SH3PXD2A: variants seen among roughly 807,000 people sequenced by gnomAD.
The protein encoded by SH3PXD2A is SH3 and PX domain-containing protein 2A.
Under a neutral mutation model 115.2 loss-of-function variants are expected in SH3PXD2A, and 32 were observed. The observed-to-expected ratio is 0.28, with a 90% confidence interval of 0.21 to 0.37. The LOEUF (loss-of-function observed/expected upper bound fraction) is 0.37. SH3PXD2A is among the 10% of genes least tolerant of loss of function. The pLI is 1.00. For missense variants in SH3PXD2A, 1,328 were observed against 1,498.7 expected (o/e 0.89, Z 1.88); for synonymous variants, 610 against 629.1 (o/e 0.97, Z 0.45).
At chr10:103,753,361 T>C (rs1589441695) in intron 3 of SH3PXD2A, among the ~76,000 whole-genome samples, 1 of 133,590 alleles carries the variant, frequency 7.5e-6, no homozygotes, top group Non-Finnish European at 1.6e-5. Context: ...CCGGGCATAG[T>C]GGTGGGCGCC....
intron 3 of SH3PXD2A, among the ~76,000 whole-genome samples, chr10:103,750,432 T>C (rs1201794973): frequency 1.3e-5 from 2 of 152,216 alleles, no homozygotes; most frequent in Non-Finnish European, 1.5e-5. Flanking sequence ...GCACTCCTTT[T>C]GGAAGGACAG....
At chr10:103,817,548 C>T (rs1347497064) in intron 1 of SH3PXD2A, among the ~76,000 whole-genome samples, 1 of 152,058 alleles carries the variant, frequency 6.6e-6, no homozygotes, top group East Asian at 1.9e-4. Context: ...GCCATGTTAG[C>T]CAGGCTGGTC....
chr10:103,808,678 T>C (rs1387807606), intron 1 of SH3PXD2A, among the ~76,000 whole-genome samples: 1 of 152,194 alleles, frequency 6.6e-6, no homozygotes, highest in Non-Finnish European at 1.5e-5. Flanking sequence ...ATGCTTTCCA[T>C]GATTAGTCAA....
intron 2 of SH3PXD2A, among the ~76,000 whole-genome samples, chr10:103,791,402 A>G (rs968859524): frequency 1.3e-5 from 2 of 152,220 alleles, no homozygotes; most frequent in East Asian, 3.8e-4. Context: ...CGAGTCCTCA[A>G]CTGTATAGGA....
At chr10:103,764,560 C>T (rs2038734572) in intron 3 of SH3PXD2A, among the ~76,000 whole-genome samples, 2 of 152,182 alleles carry the variant, frequency 1.3e-5, no homozygotes, top group Non-Finnish European at 2.9e-5. Flanking sequence ...TGACTTTTCC[C>T]AGTAGGTGAC....
At chr10:103,626,524 T>TA (rs1022488213) in intron 9 of SH3PXD2A, among the ~76,000 whole-genome samples, 1 of 150,910 alleles carries the variant, frequency 6.6e-6, no homozygotes, top group African/African-American at 2.4e-5. Flanking sequence ...AGTGCTGGCT[T>TA]AGAGGGCAGG....
chr10:103,720,916 C>T (rs1363646577), intron 5 of SH3PXD2A, among the ~76,000 whole-genome samples: 1 of 152,208 alleles, frequency 6.6e-6, no homozygotes, highest in Non-Finnish European at 1.5e-5. Flanking sequence ...AGGGGGAGCC[C>T]CTCAGAACTG....
chr10:103,835,991 CA>C (rs1171577754), intron 1 of SH3PXD2A, among the ~76,000 whole-genome samples: 4 of 152,148 alleles, frequency 2.6e-5, no homozygotes, highest in African/African-American at 7.2e-5. Context: ...AAAGGCTGGT[CA>C]AATCCCAGTA....
chr10:103,720,778 T>A (rs923427088), intron 5 of SH3PXD2A, among the ~76,000 whole-genome samples: 4 of 152,024 alleles, frequency 2.6e-5, no homozygotes, highest in African/African-American at 9.7e-5. Context: ...GGCTGACACG[T>A]CGGCAGCCTG....
At position 103,784,514 on chromosome 10, in the gene SH3PXD2A, G is replaced by A. The variant is rs182809095; in HGVS notation, c.153+16768C>T. On this transcript the variant is annotated intron_variant, in intron 2 of 14. Transcript: ENST00000369774. This position sits in a 1 kb window ranked among gnomAD's most constrained non-coding sequence, Gnocchi z 4.4. ...GAAGCAAATGTGGCAAAATATTCAC[G>A]TGTTAAATCTGGGCAGTCGGTCCTC... 1.3e-5 allele frequency among the ~76,000 whole-genome samples: 2 copies of A among 152,328 alleles called. No individual in the cohort carries two copies. Among genetic ancestry groups the A allele is most frequent in the East Asian group, 1.9e-4 (1 of 5,186 alleles).
At chr10:103,753,678 A>G (rs2038606805) in intron 3 of SH3PXD2A, among the ~76,000 whole-genome samples, 1 of 152,184 alleles carries the variant, frequency 6.6e-6, no homozygotes, top group African/African-American at 2.4e-5. Flanking sequence ...AGACAACATA[A>G]GCACATGAAT....
In SH3PXD2A at chr10:103,611,605, A is replaced by T. The variant is rs767631050; in HGVS notation, c.1284T>A (p.Pro428=). The T allele has an allele frequency of 1.3e-5, 21 of 1,614,156 alleles. No individual in the cohort carries two copies. In the African/African-American group the frequency reaches 2.7e-4, roughly 20 times the overall value. Residue 428 remains proline (P), a synonymous_variant, in exon 13 of 15, where the codon CCT becomes CCA. Transcript: ENST00000369774. ...CCAGGCTGGATTCTCTGCGTGGTGG[A>T]GGTCTTGTCCGTAGGTTCGGGGAGC... ...QISSPNLRTR[P]PPRRESSLGF...
At chr10:103,725,944 C>A (rs1361133287) in intron 4 of SH3PXD2A, among the ~76,000 whole-genome samples, 1 of 152,202 alleles carries the variant, frequency 6.6e-6, no homozygotes, top group Non-Finnish European at 1.5e-5. Context: ...AGGACCCTGA[C>A]CTGGCCCAGT....
At chr10:103,687,349 G>A (rs931910298) in intron 6 of SH3PXD2A, among the ~76,000 whole-genome samples, 1 of 152,092 alleles carries the variant, frequency 6.6e-6, no homozygotes, top group African/African-American at 2.4e-5. Context: ...TGTTCCTTTA[G>A]TTGAACCCTG....
chr10:103,748,282 G>A (rs183019915), intron 3 of SH3PXD2A, among the ~76,000 whole-genome samples: 1 of 152,328 alleles, frequency 6.6e-6, no homozygotes, highest in Non-Finnish European at 1.5e-5. Context: ...AGGAAGTGGT[G>A]GAGCTGGGAT....
rs751083934 is a variant in SH3PXD2A, at chr10:103,602,910, G to C, written c.2308C>G (p.Gln770Glu). The C allele has an allele frequency of 1.9e-6, 3 of 1,614,070 alleles. No individual in the cohort carries two copies. Among genetic ancestry groups the C allele is most frequent in the Non-Finnish European group, 2.5e-6 (3 of 1,180,024 alleles). The change falls in exon 15 of 15, where the codon CAA becomes GAA. Residue 770 changes from glutamine to glutamate, a missense_variant. Physicochemically the swap from Gln to Glu is conservative, Grantham distance 29. Coordinates refer to ENST00000369774, the MANE Select transcript of SH3PXD2A (RefSeq NM_001394015.1). The stretch of plus-strand genomic sequence containing the variant: ...AAAGTGCTGATGTCCATCTTCTCTT[G>C]GCTCTGCGACTCTGCTCGGTTTAGG... Reference protein sequence around the residue: ...PFLNRAESQSQEKMDISTLRR... With the variant: ...PFLNRAESQSEEKMDISTLRR...
rs766754098 is a variant in SH3PXD2A, at chr10:103,602,336, G to A, written c.2882C>T (p.Ser961Leu). 3 of 1,613,700 alleles carry A rather than the reference G, an allele frequency of 1.9e-6. No individual in the cohort carries two copies. In the Admixed American group the frequency reaches 5.0e-5, roughly 27 times the overall value. ...SKPPGGFGKTSGTPAVKMRNG... is the reference protein window; with the variant it reads ...SKPPGGFGKTLGTPAVKMRNG... ...CCTCATCTTCACCGCTGGAGTGCCTGAGGTCTTGCCGAAGCCCCCGGGAGG... is the reference window on the plus strand; with the variant it reads ...CCTCATCTTCACCGCTGGAGTGCCTAAGGTCTTGCCGAAGCCCCCGGGAGG... Residue 961 changes from serine to leucine, a missense_variant, in exon 15 of 15, where the codon TCA becomes TTA. Physicochemically the swap from Ser to Leu is moderately radical, Grantham distance 145. This residue lies in a region of SH3PXD2A where 574 missense variants were observed against 565.7 expected (regional missense o/e 1.01). Transcript: ENST00000369774.
rs2134200308 is a variant in SH3PXD2A, at chr10:103,747,398, G to A, written c.230-11590C>T. Among the ~76,000 whole-genome samples, 8 of 152,274 alleles carry A rather than the reference G, an allele frequency of 5.3e-5. No individual in the cohort carries two copies. The Middle Eastern group carries it at 0.027, about 518-fold the overall frequency. The stretch of plus-strand genomic sequence containing the variant: ...CTCCCTGTGGGAGCCGGGAATAAAG[G>A]GCCCCATTCAGCCTGTGCAGCCTCG... On this transcript the variant is annotated intron_variant, in intron 3 of 14. Coordinates refer to ENST00000369774, the MANE Select transcript of SH3PXD2A (RefSeq NM_001394015.1).
chr10:103,633,960 T>C (rs2036826863), intron 8 of SH3PXD2A, among the ~76,000 whole-genome samples: 1 of 152,058 alleles, frequency 6.6e-6, no homozygotes, highest in Non-Finnish European at 1.5e-5. Flanking sequence ...ACCCACACAA[T>C]CTGAGATACA....
Sources: gnomAD v4.1 joint callset for allele counts (sites outside exome capture counted in the v4.1 genomes callset) on GRCh38, gnomAD v4.1.1 for gene constraint, gnomAD v4.1.1 regional missense constraint, Gnocchi (gnomAD v3.1) non-coding constraint, MANE v1.5 for transcripts, NCBI Gene and HGNC (gene_info 2026-07-23, HGNC 2026-07-21) for gene names.